The following PARP11 variants were observed in gnomAD, a reference collection of about 807,000 sequenced individuals.
PARP11 encodes the protein poly(ADP-ribose) polymerase family member 11, also known as protein mono-ADP-ribosyltransferase PARP11.
In PARP11, 31 loss-of-function variants were observed where a neutral mutation model predicts 42.9. The observed-to-expected ratio is 0.72, with a 90% CI of 0.54 to 0.98. The LOEUF (loss-of-function observed/expected upper bound fraction) is 0.98, where lower values mean the gene tolerates loss of function less well. PARP11 is among the 50% of genes least tolerant of loss of function. The probability of loss-of-function intolerance (pLI) is 0.00; values close to 1 mark genes in which losing one functional copy is unlikely to be tolerated. For synonymous variants in PARP11, 137 were observed against 127.3 expected, an observed-to-expected ratio of 1.08 and a Z score of -0.51; for missense variants, 365 against 413.1, an observed-to-expected ratio of 0.88 and a Z score of 1.01.
Position 3,821,869 on chromosome 12 carries a change from T to C in PARP11, c.548+4A>G, listed in dbSNP as rs1249952158. The C allele has an allele frequency of 6.2e-7, 1 of 1,603,542 alleles. No individual in the cohort carries two copies. Among genetic ancestry groups the C allele is most frequent in the Non-Finnish European group, 8.5e-7 (1 of 1,177,734 alleles). On this transcript the variant is annotated splice_donor_region_variant and intron_variant, in intron 6 of 7. Transcript: ENST00000228820. Reference sequence around the variant, plus strand: ...GAGAAGTTTCAGATTAGAAATCATCTCACCTGCAAAAGAACTCCCACAAAT... The same window carrying C: ...GAGAAGTTTCAGATTAGAAATCATCCCACCTGCAAAAGAACTCCCACAAAT...
chr12:3,845,722 A>G lies in PARP11; in HGVS notation c.19-15704T>C, dbSNP rs148160228. On this transcript the variant is annotated intron_variant, in intron 1 of 7. Transcript: ENST00000228820. ...ATTGTTTTTGTTTAGAATCCTAATA[A>G]TGTCTCATTTCCAATATGTTATTTT... 4.5e-4 allele frequency among the ~76,000 whole-genome samples: 68 copies of G among 152,332 alleles called. 3 individuals carry two copies. The East Asian group carries it at 0.01, about 23-fold the overall frequency.
At position 3,840,869 on chromosome 12, in the gene PARP11, ATG is replaced by A. The variant is rs1168784194; in HGVS notation, c.19-10853_19-10852del. ...CCTGCAGAACAAAAGCCAGCAGAACATGTGTCTTTGTCAAATCCAGCTCCCCT... is the reference window on the plus strand; with the variant it reads ...CCTGCAGAACAAAAGCCAGCAGAACATGTCTTTGTCAAATCCAGCTCCCCT... On this transcript the variant is annotated intron_variant, in intron 1 of 7. Transcript: ENST00000228820. The surrounding 1 kb of genome is among the most constrained non-coding windows in gnomAD (Gnocchi z 4.4). 5.0e-6 allele frequency: 8 copies of A among 1,599,554 alleles called. No individual in the cohort carries two copies. In the African/African-American group the frequency reaches 6.7e-5, roughly 13 times the overall value.
chr12:3,829,655 G>C (rs1402087082), intron 2 of PARP11, among the ~76,000 whole-genome samples: 1 of 152,156 alleles, frequency 6.6e-6, no homozygotes, highest in African/African-American at 2.4e-5. Context: ...CTGACACCAT[G>C]CAACTCTCAG....
chr12:3,808,998 T>G lies in PARP11; in HGVS notation c.*3125A>C, dbSNP rs184904641. 2.4e-3 allele frequency: 354 copies of G among 149,840 alleles called. No individual in the cohort carries two copies. Among genetic ancestry groups the G allele is most frequent in the African/African-American group, 8.2e-3 (329 of 40,240 alleles). 9.3% of individuals were successfully genotyped at this position (149,840 alleles called of 1,614,324 possible). On this transcript the variant is annotated 3_prime_UTR_variant, in exon 8 of 8. Transcript: ENST00000228820. ...CACACTAATATAAAACTTTCCTGTTTATAACTAAAAGATTTATGAAACTTT... is the reference window on the plus strand; with the variant it reads ...CACACTAATATAAAACTTTCCTGTTGATAACTAAAAGATTTATGAAACTTT...
At chr12:3,842,923 A>G (rs1947923141) in intron 1 of PARP11, among the ~76,000 whole-genome samples, 1 of 152,238 alleles carries the variant, frequency 6.6e-6, no homozygotes, top group African/African-American at 2.4e-5. Flanking sequence ...CATTTGACAC[A>G]CTATAGATTC....
chr12:3,846,536 C>T (rs897555957), intron 1 of PARP11, among the ~76,000 whole-genome samples: 3 of 151,620 alleles, frequency 2.0e-5, no homozygotes, highest in African/African-American at 4.8e-5. Flanking sequence ...GTGGGTGGAT[C>T]GTGAGGTCAG....
intron 1 of PARP11, among the ~76,000 whole-genome samples, chr12:3,862,033 G>A (rs1010108581): frequency 1.4e-4 from 21 of 152,046 alleles, no homozygotes; most frequent in Non-Finnish European, 2.9e-4. Context: ...CCTAACCAAT[G>A]CTGGCAGAAA....
intron 1 of PARP11, chr12:3,872,405 G>A (rs1220118003): frequency 2.9e-6 from 1 of 350,390 alleles, no homozygotes; most frequent in Non-Finnish European, 4.0e-6. Flanking sequence ...CCTTACAATG[G>A]GTGGTGAGGA....
At chr12:3,842,534 A>G (rs1030502227) in intron 1 of PARP11, 2 of 1,516,438 alleles carry the variant, frequency 1.3e-6, no homozygotes, top group African/African-American at 2.8e-5. Context: ...TTGCCGAAGT[A>G]TTTTCTAACA....
At position 3,813,470 on chromosome 12, in the gene PARP11, C is replaced by T. The variant is rs1041613290; in HGVS notation, c.700+567G>A. Reference sequence around the variant, plus strand: ...AGAGATAGACATCATTAAGGGCATTCTTACTCTAAAAAAATGTGGAAATGA... The same window carrying T: ...AGAGATAGACATCATTAAGGGCATTTTTACTCTAAAAAAATGTGGAAATGA... On this transcript the variant is annotated intron_variant, in intron 7 of 7. Coordinates refer to ENST00000228820, the MANE Select transcript of PARP11 (RefSeq NM_020367.6). Among the ~76,000 whole-genome samples, 7 of 152,300 alleles carry T rather than the reference C, an allele frequency of 4.6e-5. No homozygotes were observed. The East Asian group carries it at 1.2e-3, about 25-fold the overall frequency.
rs1948532578 is a variant in PARP11, at chr12:3,873,396, G to A, written c.-167C>T. 4 of 671,772 alleles carry A rather than the reference G, an allele frequency of 6.0e-6. No individual in the cohort carries two copies. Among genetic ancestry groups the A allele is most frequent in the Non-Finnish European group, 1.1e-5 (4 of 376,942 alleles). The allele number at this position is 671,772 out of a possible 1,614,324, so 41.6% of individuals were successfully genotyped here. On this transcript the variant is annotated 5_prime_UTR_variant, in exon 1 of 8. Transcript: ENST00000228820. ...TCCCTGTCACAAGCCAGCGTTTACAGACCACCCAACCTCCCGACTTCCGCC... is the reference window on the plus strand; with the variant it reads ...TCCCTGTCACAAGCCAGCGTTTACAAACCACCCAACCTCCCGACTTCCGCC...
At position 3,830,143 on chromosome 12, in the gene PARP11, A is replaced by G. The variant is rs1591770748; in HGVS notation, c.19-125T>C. ...TGTCTTTCCTCCCATGACACTTTAA[A>G]AACAGCTTTCTATCTTTCATATTGG... On this transcript the variant is annotated intron_variant, in intron 1 of 7. Transcript: ENST00000228820. 5.3e-6 allele frequency: 4 copies of G among 755,174 alleles called. No homozygotes were observed. In the East Asian group the frequency reaches 1.1e-4, roughly 21 times the overall value. 46.8% of individuals were successfully genotyped at this position (755,174 alleles called of 1,614,324 possible).
At position 3,840,084 on chromosome 12, in the gene PARP11, TGAAATTTG is replaced by T. The variant is rs1947855545; in HGVS notation, c.19-10074_19-10067del. On this transcript the variant is annotated intron_variant, in intron 1 of 7. Coordinates refer to ENST00000228820, the MANE Select transcript of PARP11 (RefSeq NM_020367.6). The surrounding 1 kb of genome is among the most constrained non-coding windows in gnomAD (Gnocchi z 4.4). ...CTGCAGTCTATAGAAATGTGGAATA[TGAAATTTG>T]GCTGGAGTCTAAACAAGCTCAGCAA... 3 of 1,609,328 alleles carry T rather than the reference TGAAATTTG, an allele frequency of 1.9e-6. No homozygotes were observed. In the South Asian group the frequency reaches 3.3e-5, roughly 18 times the overall value.
At chr12:3,863,740 A>G (rs1264609659) in intron 1 of PARP11, 1 of 152,192 alleles carries the variant, frequency 6.6e-6, no homozygotes, top group Non-Finnish European at 1.5e-5. Context: ...AATATGTGCA[A>G]AGTGTTACCA....
intron 1 of PARP11, chr12:3,832,059 G>A (rs946490691): frequency 7.6e-5 from 49 of 645,634 alleles, no homozygotes; most frequent in Non-Finnish European, 2.1e-5. Context: ...AAATAGGAAA[G>A]TTCCCTTTAT....
At chr12:3,849,658 G>C (rs1948061107) in intron 1 of PARP11, among the ~76,000 whole-genome samples, 1 of 152,106 alleles carries the variant, frequency 6.6e-6, no homozygotes, top group Non-Finnish European at 1.5e-5. Flanking sequence ...GGAAGGGCAG[G>C]GGGAGAGACT....
intron 1 of PARP11, among the ~76,000 whole-genome samples, chr12:3,853,224 A>C (rs954369215): frequency 6.6e-6 from 1 of 152,262 alleles, no homozygotes; most frequent in African/African-American, 2.4e-5. Flanking sequence ...AAACTGCATC[A>C]ACTAATGGGC....
intron 7 of PARP11, 127 bp downstream of exon 7, chr12:3,813,910 A>G (rs1709045034): frequency 3.2e-6 from 2 of 628,624 alleles, no homozygotes; most frequent in South Asian, 4.3e-5. Flanking sequence ...CAATGCAATT[A>G]TAATCCATTT....
In PARP11 at chr12:3,840,943, C is replaced by T. The variant is rs1565542427; in HGVS notation, c.19-10925G>A. On this transcript the variant is annotated intron_variant, in intron 1 of 7. Coordinates refer to ENST00000228820, the MANE Select transcript of PARP11 (RefSeq NM_020367.6). This position sits in a 1 kb window ranked among gnomAD's most constrained non-coding sequence, Gnocchi z 4.4. ...TCTAACTCCTGCAGTGCCTTCTTTACCAGCCACTGTGCCAGCCTGGCCAAG... is the reference window on the plus strand; with the variant it reads ...TCTAACTCCTGCAGTGCCTTCTTTATCAGCCACTGTGCCAGCCTGGCCAAG... The T allele has an allele frequency of 6.2e-7, 1 of 1,606,488 alleles. No individual in the cohort carries two copies. The highest frequency in any genetic ancestry group is 8.5e-7 in the Non-Finnish European group (1 of 1,173,134).
Sources: allele counts gnomAD v4.1 joint callset (sites outside exome capture counted in the v4.1 genomes callset), GRCh38; gene constraint gnomAD v4.1.1; non-coding constraint Gnocchi (gnomAD v3.1); transcripts MANE v1.5; gene names NCBI Gene and HGNC (gene_info 2026-07-23, HGNC 2026-07-21).